The following ARB2A variants were observed in gnomAD, a reference collection of about 807,000 sequenced individuals.
The protein encoded by ARB2A is cotranscriptional regulator ARB2A.
chr5:93,723,137 C>A, the ARB2A span, among the ~76,000 whole-genome samples: 1 of 152,084 alleles, frequency 6.6e-6, no homozygotes, highest in African/African-American at 2.4e-5. Context: ...AGGAACTTGG[C>A]ATGTGACCAA....
the ARB2A span, among the ~76,000 whole-genome samples, chr5:94,051,845 A>C: frequency 6.6e-6 from 1 of 152,220 alleles, no homozygotes; most frequent in East Asian, 1.9e-4. Context: ...TTTTAGATGG[A>C]GTCTCGCTCT....
chr5:93,761,515 G>A, the ARB2A span, among the ~76,000 whole-genome samples: 3 of 152,144 alleles, frequency 2.0e-5, no homozygotes, highest in South Asian at 4.1e-4. Flanking sequence ...GGGGAAGGGC[G>A]CCCACCATTG....
the ARB2A span, among the ~76,000 whole-genome samples, chr5:94,081,224 A>C: frequency 1.3e-5 from 2 of 152,340 alleles, no homozygotes; most frequent in Admixed American, 6.5e-5. Context: ...TACCTGATAT[A>C]TTGCTAGTGT....
chr5:94,056,259 A>T, the ARB2A span, among the ~76,000 whole-genome samples: 1 of 152,210 alleles, frequency 6.6e-6, no homozygotes, highest in African/African-American at 2.4e-5. Flanking sequence ...TTTGCTCAAA[A>T]TGTTCCTTTG....
the ARB2A span, among the ~76,000 whole-genome samples, chr5:94,087,166 C>T: frequency 6.6e-6 from 1 of 152,052 alleles, no homozygotes; most frequent in African/African-American, 2.4e-5. Flanking sequence ...TAGAAAAAAG[C>T]TTACAAAATA....
the ARB2A span, among the ~76,000 whole-genome samples, chr5:93,693,775 C>T: frequency 2.0e-5 from 3 of 152,212 alleles, no homozygotes; most frequent in Non-Finnish European, 4.4e-5. Context: ...TCATGAACAT[C>T]GATGCGAAAA....
chr5:93,667,364 C>T, the ARB2A span, among the ~76,000 whole-genome samples: 1 of 152,162 alleles, frequency 6.6e-6, no homozygotes, highest in South Asian at 2.1e-4. Context: ...TCATACCTTC[C>T]ATTTTTACAT....
At chr5:93,853,367 T>C in the ARB2A span, among the ~76,000 whole-genome samples, 1 of 152,244 alleles carries the variant, frequency 6.6e-6, no homozygotes, top group African/African-American at 2.4e-5. Context: ...GCTGAGACAA[T>C]GGAGTTTTCT....
chr5:94,048,534 T>C, the ARB2A span, among the ~76,000 whole-genome samples: 1 of 152,194 alleles, frequency 6.6e-6, no homozygotes, highest in Non-Finnish European at 1.5e-5. Flanking sequence ...ATTAGTCTTC[T>C]GGATCAGAAA....
At chr5:94,046,050 GGA>G in the ARB2A span, among the ~76,000 whole-genome samples, 1 of 152,098 alleles carries the variant, frequency 6.6e-6, no homozygotes, top group Non-Finnish European at 1.5e-5. Flanking sequence ...ACAGTGACAA[GGA>G]GAGAAGGACA....
chr5:93,979,174 A>G, the ARB2A span, among the ~76,000 whole-genome samples: 1 of 152,168 alleles, frequency 6.6e-6, no homozygotes, highest in Non-Finnish European at 1.5e-5. Flanking sequence ...ACAGCTTTTT[A>G]AAAACCAGTC....
At chr5:93,689,149 T>G in the ARB2A span, among the ~76,000 whole-genome samples, 2 of 152,324 alleles carry the variant, frequency 1.3e-5, no homozygotes, top group South Asian at 4.1e-4. Flanking sequence ...CGGACTTTTT[T>G]TCGGTTGTCA....
chr5:94,070,957 T>C, the ARB2A span, among the ~76,000 whole-genome samples: 2 of 152,138 alleles, frequency 1.3e-5, no homozygotes, highest in Non-Finnish European at 2.9e-5. Context: ...TGAAAAATAA[T>C]ACAGGTACCT....
chr5:93,920,601 G>T, the ARB2A span, among the ~76,000 whole-genome samples: 254 of 152,156 alleles, frequency 1.7e-3, 1 homozygote, highest in African/African-American at 5.7e-3. Flanking sequence ...CAGTCTATTT[G>T]ATCATTTAAT....
the ARB2A span, chr5:93,784,318 G>A: frequency 1.8e-6 from 2 of 1,094,356 alleles, no homozygotes; most frequent in Non-Finnish European, 2.7e-6. Flanking sequence ...TTACAGGTTG[G>A]TGGGGGCTCA....
chr5:94,044,077 C>A, the ARB2A span, among the ~76,000 whole-genome samples: 1 of 152,116 alleles, frequency 6.6e-6, no homozygotes, highest in Non-Finnish European at 1.5e-5. Context: ...GTGAATGAAC[C>A]AGTGGTCTCT....
chr5:93,807,404 C>T, the ARB2A span, among the ~76,000 whole-genome samples: 1 of 151,928 alleles, frequency 6.6e-6, no homozygotes, highest in Non-Finnish European at 1.5e-5. Flanking sequence ...GCTGCTTAAT[C>T]ATTTCCATAT....
At chr5:93,963,861 G>GT in the ARB2A span, among the ~76,000 whole-genome samples, 1 of 151,860 alleles carries the variant, frequency 6.6e-6, no homozygotes, top group Admixed American at 6.6e-5. Context: ...AGGGGTTTGT[G>GT]TTTTTTGTTT....
the ARB2A span, among the ~76,000 whole-genome samples, chr5:93,768,357 C>A: frequency 2.0e-5 from 3 of 151,168 alleles, no homozygotes; most frequent in Non-Finnish European, 2.9e-5. Context: ...GAAAAAAAAA[C>A]AGAATTGGTC....
Sources: allele counts gnomAD v4.1 joint callset (sites outside exome capture counted in the v4.1 genomes callset), GRCh38; gene constraint gnomAD v4.1.1; transcripts MANE v1.5; gene names NCBI Gene and HGNC (gene_info 2026-07-23, HGNC 2026-07-21).